Variants in GRID2 observed in about 807,000 individuals in gnomAD.
GRID2 encodes the protein glutamate ionotropic receptor delta type subunit 2, also known as glutamate receptor ionotropic, delta-2.
Under a neutral mutation model 114.8 loss-of-function variants are expected in GRID2, and 33 were observed. The observed-to-expected ratio is 0.29, with a 90% CI of 0.22 to 0.38. The LOEUF is 0.38. Ranked by LOEUF, GRID2 falls within the 10% of genes least tolerant of loss-of-function variation. GRID2 has a pLI of 1.00. For synonymous variants in GRID2, 505 were observed against 449.9 expected (o/e 1.12, Z -1.55); for missense variants, 1,184 against 1,257.7 (o/e 0.94, Z 0.89).
At chr4:93,604,108 T>C (rs1380566761) in intron 13 of GRID2, among the ~76,000 whole-genome samples, 3 of 152,248 alleles carry the variant, frequency 2.0e-5, no homozygotes, top group Non-Finnish European at 4.4e-5. Context: ...ATTTTTATGA[T>C]GAATTTGGAC....
chr4:92,485,275 C>G (rs1722805647), intron 1 of GRID2, among the ~76,000 whole-genome samples: 2 of 94,944 alleles, frequency 2.1e-5, no homozygotes, highest in South Asian at 6.9e-4. Context: ...TTATATTGTC[C>G]TTATATATAA....
intron 3 of GRID2, among the ~76,000 whole-genome samples, chr4:93,101,122 T>A (rs1731662908): frequency 6.6e-6 from 1 of 152,070 alleles, no homozygotes; most frequent in Non-Finnish European, 1.5e-5. Context: ...CAGATTTATT[T>A]GTTTATGTTT....
At chr4:93,425,043 CCTAT>C (rs1354638591) in intron 10 of GRID2, among the ~76,000 whole-genome samples, 2 of 152,062 alleles carry the variant, frequency 1.3e-5, no homozygotes, top group Non-Finnish European at 2.9e-5. Context: ...GCTGAGATTT[CCTAT>C]CTTTTTATCA....
In GRID2 at chr4:93,389,009, T is replaced by C. The variant is rs185564688; in HGVS notation, c.1246-6598T>C. Among the ~76,000 whole-genome samples the C allele has an allele frequency of 3.5e-3, 533 of 152,316 alleles. 2 individuals carry two copies. Among genetic ancestry groups the C allele is most frequent in the Non-Finnish European group, 5.7e-3 (388 of 68,034 alleles). On this transcript the variant is annotated intron_variant, in intron 8 of 15. Transcript: ENST00000282020. ...AGATTGCTGAGCTTGAGATTTTTAT[T>C]GTTTAGGAGTAAAGATCTAAATTGC...
chr4:93,113,735 G>A (rs1164365617), intron 4 of GRID2, among the ~76,000 whole-genome samples: 2 of 152,208 alleles, frequency 1.3e-5, no homozygotes, highest in Non-Finnish European at 2.9e-5. Context: ...TAGAGGTAAA[G>A]TATACAGTCA....
At chr4:92,357,118 G>T (rs1728366887) in intron 1 of GRID2, among the ~76,000 whole-genome samples, 1 of 151,638 alleles carries the variant, frequency 6.6e-6, no homozygotes, top group African/African-American at 2.4e-5. Context: ...TTTGGATCAA[G>T]TGTCTGTTTA....
At position 93,538,241 on chromosome 4, in the gene GRID2, C is replaced by G. The variant is rs140152064; in HGVS notation, c.2193+22830C>G. Among the ~76,000 whole-genome samples, 106 of 151,482 alleles carry G rather than the reference C, an allele frequency of 7.0e-4. 1 individual carries two copies. In the East Asian group the frequency reaches 0.019, roughly 27 times the overall value. On this transcript the variant is annotated intron_variant, in intron 13 of 15. Transcript: ENST00000282020. The stretch of plus-strand genomic sequence containing the variant: ...AGAAAATAAGAAAGTGCTCAAATAA[C>G]AAAAGGAGCAAGTAGGGAATGCTGA...
intron 2 of GRID2, among the ~76,000 whole-genome samples, chr4:92,794,906 A>ATATATATATATG (rs67927580): frequency 2.8e-5 from 3 of 108,436 alleles, no homozygotes; most frequent in African/African-American, 1.1e-4. Flanking sequence ...ATATATATAT[A>ATATATATATATG]CACACACACA....
intron 14 of GRID2, among the ~76,000 whole-genome samples, chr4:93,760,118 G>A (rs1052866902): frequency 9.8e-5 from 15 of 152,288 alleles, no homozygotes; most frequent in Admixed American, 2.6e-4. Flanking sequence ...GTACAGGGTC[G>A]AAGGGAGGAG....
intron 14 of GRID2, among the ~76,000 whole-genome samples, chr4:93,707,174 T>G (rs1728075463): frequency 6.6e-6 from 1 of 152,116 alleles, no homozygotes; most frequent in Non-Finnish European, 1.5e-5. Flanking sequence ...CCCTTTTTGT[T>G]GTGTCTTTGT....
intron 2 of GRID2, chr4:92,822,218 G>A (rs1284069345): frequency 2.0e-6 from 1 of 511,890 alleles, no homozygotes; most frequent in African/African-American, 1.9e-5. Flanking sequence ...ACAGGGCATT[G>A]ATGATATTCC....
At chr4:93,485,949 G>T (rs1172978891) in intron 11 of GRID2, among the ~76,000 whole-genome samples, 1 of 151,588 alleles carries the variant, frequency 6.6e-6, no homozygotes, top group Non-Finnish European at 1.5e-5. Context: ...AGATCAATTT[G>T]AGGAGAACTT....
intron 2 of GRID2, among the ~76,000 whole-genome samples, chr4:92,905,321 T>G (rs1363667885): frequency 6.6e-6 from 1 of 152,014 alleles, no homozygotes; most frequent in Non-Finnish European, 1.5e-5. Flanking sequence ...GTTCCTAAAG[T>G]CTTTAACTTC....
chr4:92,708,921 A>C (rs1735079533), intron 2 of GRID2, among the ~76,000 whole-genome samples: 1 of 152,104 alleles, frequency 6.6e-6, no homozygotes. Flanking sequence ...CCGTCTCTAA[A>C]TAAATAAATA....
intron 2 of GRID2, among the ~76,000 whole-genome samples, chr4:92,688,037 C>CCTTTTTTTTTTTTTTTTT (rs1553916864): frequency 0.017 from 749 of 44,646 alleles, 85 homozygotes; most frequent in South Asian, 0.041. Flanking sequence ...CCTTCTTCTT[C>CCTTTTTTTTTTTTTTTTT]TTTTTTTTTT....
At chr4:93,406,207 G>A (rs1404866147) in intron 9 of GRID2, among the ~76,000 whole-genome samples, 1 of 152,120 alleles carries the variant, frequency 6.6e-6, no homozygotes, top group Admixed American at 6.6e-5. Context: ...GCCAAGTATG[G>A]AAAAACCTTT....
chr4:92,608,714 A>G (rs746438947), intron 2 of GRID2, among the ~76,000 whole-genome samples: 37 of 151,782 alleles, frequency 2.4e-4, no homozygotes, highest in Non-Finnish European at 5.5e-4. Context: ...GTTCCTTTAT[A>G]TGCATAGTTT....
intron 3 of GRID2, among the ~76,000 whole-genome samples, chr4:93,108,699 C>T (rs995124710): frequency 1.3e-5 from 2 of 150,186 alleles, no homozygotes; most frequent in East Asian, 2.0e-4. Flanking sequence ...GGCATGATCT[C>T]GGTTCACTGC....
intron 2 of GRID2, among the ~76,000 whole-genome samples, chr4:93,046,167 C>T (rs142499382): frequency 6.5e-4 from 99 of 152,036 alleles, no homozygotes; most frequent in Non-Finnish European, 1.3e-3. Context: ...TCACATCTTC[C>T]TATAACCATG....
Sources: gnomAD v4.1 joint callset for allele counts (sites outside exome capture counted in the v4.1 genomes callset) on GRCh38, gnomAD v4.1.1 for gene constraint, MANE v1.5 for transcripts, NCBI Gene and HGNC (gene_info 2026-07-23, HGNC 2026-07-21) for gene names.